The following NRXN1 variants were observed in gnomAD, a reference collection of about 807,000 sequenced individuals.
NRXN1 encodes the protein neurexin-1.
NRXN1 carries 39 observed loss-of-function variants against 150.9 expected under a neutral mutation model. The ratio of observed to expected loss-of-function variants is 0.26; its 90% CI spans 0.20 to 0.34. The LOEUF (loss-of-function observed/expected upper bound fraction) is 0.34, where lower values mean the gene tolerates loss of function less well. Among genes scored for constraint, NRXN1 ranks in the 10% least tolerant of loss-of-function variants. NRXN1 has a pLI of 1.00. For missense variants in NRXN1, 1,815 were observed against 1,949.9 expected (o/e 0.93, Z 1.30); for synonymous variants, 924 against 757.0 (o/e 1.22, Z -3.62).
In NRXN1 at chr2:51,028,005, T is replaced by C; in HGVS notation, c.269A>G (p.Gln90Arg). ...ELILTRGGRLQLSFSIFCAEP... is the reference protein window; with the variant it reads ...ELILTRGGRLRLSFSIFCAEP... ...AGCGCAGAAGATGGAGAAGCTGAGCTGCAGGCGGCCGCCGCGCGTCAGAAT... is the reference window on the plus strand; with the variant it reads ...AGCGCAGAAGATGGAGAAGCTGAGCCGCAGGCGGCCGCCGCGCGTCAGAAT... The change falls in exon 2 of 23, where the codon CAG becomes CGG. Residue 90 changes from glutamine (Q) to arginine (R), a missense_variant. Gln to Arg is a conservative substitution (Grantham distance 43). Transcript: ENST00000401669. The C allele has an allele frequency of 1.3e-6, 2 of 1,599,792 alleles. No individual in the cohort carries two copies. The highest frequency in any genetic ancestry group is 2.7e-5 in the African/African-American group (2 of 74,966).
intron 17 of NRXN1, among the ~76,000 whole-genome samples, chr2:50,299,559 G>T (rs1237086292): frequency 6.6e-6 from 1 of 151,842 alleles, no homozygotes; most frequent in Non-Finnish European, 1.5e-5. Flanking sequence ...CATTTAGTAG[G>T]TCATCTTTAT....
At chr2:50,260,629 GTT>G (rs10601394) in intron 17 of NRXN1, among the ~76,000 whole-genome samples, 1,577 of 113,038 alleles carry the variant, frequency 0.014, 49 homozygotes, top group East Asian at 0.13. Context: ...TTTTTTTTCC[GTT>G]TTTTTTTTTT....
intron 18 of NRXN1, among the ~76,000 whole-genome samples, chr2:50,144,253 G>A (rs1045045163): frequency 2.6e-5 from 4 of 151,792 alleles, no homozygotes; most frequent in Non-Finnish European, 5.9e-5. Flanking sequence ...CAACTGGTAA[G>A]CTTCCTTCAT....
chr2:50,883,495 T>A (rs773697404), intron 5 of NRXN1, among the ~76,000 whole-genome samples: 1 of 151,514 alleles, frequency 6.6e-6, no homozygotes, highest in Non-Finnish European at 1.5e-5. Context: ...CTGGAAAATA[T>A]CTGTGAATGT....
chr2:50,513,487 C>A (rs1228778615), intron 12 of NRXN1, among the ~76,000 whole-genome samples: 2 of 151,994 alleles, frequency 1.3e-5, no homozygotes, highest in African/African-American at 4.8e-5. Flanking sequence ...TAAGCATTCA[C>A]CCTGAATATA....
intron 19 of NRXN1, among the ~76,000 whole-genome samples, chr2:50,056,762 T>C (rs1693704050): frequency 6.6e-6 from 1 of 152,030 alleles, no homozygotes; most frequent in African/African-American, 2.4e-5. Flanking sequence ...TAAGTGATTT[T>C]ATATAATAAG....
At chr2:50,102,651 A>T (rs1701129549) in intron 18 of NRXN1, among the ~76,000 whole-genome samples, 1 of 152,066 alleles carries the variant, frequency 6.6e-6, no homozygotes, top group African/African-American at 2.4e-5. Context: ...AAGAGTAAGG[A>T]TAGCATGAGA....
chr2:50,181,780 T>C (rs2060735865), intron 18 of NRXN1, among the ~76,000 whole-genome samples: 1 of 152,096 alleles, frequency 6.6e-6, no homozygotes, highest in South Asian at 2.1e-4. Context: ...TTCCCTATTG[T>C]CTTCAGTCCA....
intron 2 of NRXN1, among the ~76,000 whole-genome samples, chr2:50,955,626 C>T (rs1027442703): frequency 6.6e-6 from 1 of 152,130 alleles, no homozygotes; most frequent in African/African-American, 2.4e-5. Flanking sequence ...GTAGAAAGCA[C>T]AGAGAGGTTA....
At chr2:50,972,023 C>G (rs1695077333) in intron 2 of NRXN1, among the ~76,000 whole-genome samples, 1 of 151,840 alleles carries the variant, frequency 6.6e-6, no homozygotes, top group Admixed American at 6.6e-5. Flanking sequence ...AAGAGATATC[C>G]TGGAGACTCA....
chr2:50,884,516 T>C (rs1356445284), intron 5 of NRXN1, among the ~76,000 whole-genome samples: 2 of 151,570 alleles, frequency 1.3e-5, no homozygotes, highest in African/African-American at 4.8e-5. Context: ...ATATGAAGAG[T>C]GGAAATTAGA....
At chr2:50,241,394 AG>A (rs1266158477) in intron 17 of NRXN1, among the ~76,000 whole-genome samples, 1 of 151,818 alleles carries the variant, frequency 6.6e-6, no homozygotes, top group African/African-American at 2.4e-5. Flanking sequence ...AGGAACATAG[AG>A]GAATGTGTCA....
chr2:50,231,455 T>C (rs910662886), intron 18 of NRXN1, among the ~76,000 whole-genome samples: 14 of 152,118 alleles, frequency 9.2e-5, no homozygotes, highest in Non-Finnish European at 1.5e-5. Flanking sequence ...ACACTGTTTC[T>C]AGTCTACACT....
At chr2:49,932,063 A>C (rs1372033280) in intron 22 of NRXN1, among the ~76,000 whole-genome samples, 3 of 144,672 alleles carry the variant, frequency 2.1e-5, no homozygotes, top group Admixed American at 6.7e-5. Context: ...ATGTGTGTGC[A>C]TGTGTGTGAA....
intron 19 of NRXN1, among the ~76,000 whole-genome samples, chr2:50,079,508 C>CT (rs1573786145): frequency 6.6e-6 from 1 of 151,840 alleles, no homozygotes; most frequent in African/African-American, 2.4e-5. Flanking sequence ...GGCGAATTTT[C>CT]TTTTTTTAAA....
Position 50,072,428 on chromosome 2 carries a change from A to G in NRXN1, c.3719-17384T>C, listed in dbSNP as rs1414927035. Among the ~76,000 whole-genome samples the G allele has an allele frequency of 7.9e-5, 12 of 152,202 alleles. No individual in the cohort carries two copies. The South Asian group carries it at 2.5e-3, about 32-fold the overall frequency. On this transcript the variant is annotated intron_variant, in intron 19 of 22. Transcript: ENST00000401669. The stretch of plus-strand genomic sequence containing the variant: ...GGAAACTACTGTGAGATCCCAAAAG[A>G]TACACTGTGTCCACTTCAAAAACTC...
intron 18 of NRXN1, among the ~76,000 whole-genome samples, chr2:50,097,163 A>T (rs763163314): frequency 3.9e-5 from 6 of 152,198 alleles, no homozygotes; most frequent in Non-Finnish European, 8.8e-5. Flanking sequence ...AGAGACCAGT[A>T]ACAAATAAAA....
intron 22 of NRXN1, among the ~76,000 whole-genome samples, chr2:49,928,393 A>G (rs1195544852): frequency 1.3e-5 from 2 of 152,128 alleles, no homozygotes; most frequent in African/African-American, 2.4e-5. Context: ...CACCCCACCT[A>G]GGAAAGAGTT....
chr2:50,109,716 T>C (rs1169145529), intron 18 of NRXN1, among the ~76,000 whole-genome samples: 1 of 152,168 alleles, frequency 6.6e-6, no homozygotes, highest in African/African-American at 2.4e-5. Flanking sequence ...TTTTCACAGC[T>C]GATGTTTTCC....
Sources: gnomAD v4.1 joint callset for allele counts (sites outside exome capture counted in the v4.1 genomes callset) on GRCh38, gnomAD v4.1.1 for gene constraint, MANE v1.5 for transcripts, NCBI Gene and HGNC (gene_info 2026-07-23, HGNC 2026-07-21) for gene names.